Variants in SEMA3E observed in about 807,000 individuals in gnomAD.
SEMA3E encodes the protein semaphorin-3E.
SEMA3E carries 49 observed loss-of-function variants against 93.6 expected under a neutral mutation model. That is an observed-to-expected ratio of 0.52 (90% CI 0.42 to 0.66). SEMA3E has a LOEUF of 0.66. Ranked by LOEUF, SEMA3E falls within the 30% of genes least tolerant of loss-of-function variation. The probability of loss-of-function intolerance (pLI) is 0.00; values close to 1 mark genes in which losing one functional copy is unlikely to be tolerated. For synonymous variants in SEMA3E, 363 were observed against 330.7 expected, an observed-to-expected ratio of 1.10 and a Z score of -1.06; for missense variants, 906 against 964.8, an observed-to-expected ratio of 0.94 and a Z score of 0.81.
intron 1 of SEMA3E, among the ~76,000 whole-genome samples, chr7:83,600,865 G>T (rs776656462): frequency 1.4e-4 from 22 of 152,160 alleles, no homozygotes; most frequent in Non-Finnish European, 2.6e-4. Context: ...CATGGTACTT[G>T]GAATAATGGC....
At chr7:83,616,980 C>T (rs1269623439) in intron 1 of SEMA3E, among the ~76,000 whole-genome samples, 1 of 152,138 alleles carries the variant, frequency 6.6e-6, no homozygotes, top group South Asian at 2.1e-4. Context: ...CCACCTTGGC[C>T]TCCCAAAGTG....
chr7:83,573,318 C>T (rs1792325389), intron 1 of SEMA3E, among the ~76,000 whole-genome samples: 1 of 151,434 alleles, frequency 6.6e-6, no homozygotes, highest in Admixed American at 6.6e-5. Flanking sequence ...TTATTGTCTT[C>T]AGTATTTTTT....
Position 83,498,403 on chromosome 7 carries a change from C to T in SEMA3E, c.116-8129G>A, listed in dbSNP as rs541681810. ...TAATTCTATAAATATAACACAAATC[C>T]GATTTTAGTATCCATTTTATTTATG... On this transcript the variant is annotated intron_variant, in intron 1 of 16. Transcript: ENST00000643230. Among the ~76,000 whole-genome samples the T allele has an allele frequency of 4.6e-5, 7 of 151,936 alleles. No individual in the cohort carries two copies. The South Asian group carries it at 1.0e-3, about 23-fold the overall frequency.
chr7:83,563,421 G>A (rs961665756), intron 1 of SEMA3E, among the ~76,000 whole-genome samples: 1 of 152,164 alleles, frequency 6.6e-6, no homozygotes, highest in African/African-American at 2.4e-5. Context: ...ATACTCAAAT[G>A]CTGCTACTTT....
intron 1 of SEMA3E, among the ~76,000 whole-genome samples, chr7:83,639,546 A>G (rs981909955): frequency 2.6e-5 from 4 of 151,840 alleles, no homozygotes; most frequent in African/African-American, 9.7e-5. Flanking sequence ...CAAGGGTCTT[A>G]CAAAAAATTA....
intron 1 of SEMA3E, among the ~76,000 whole-genome samples, chr7:83,642,112 A>G (rs976234665): frequency 3.3e-5 from 5 of 152,182 alleles, no homozygotes; most frequent in Admixed American, 3.3e-4. Context: ...TATGTTTCCT[A>G]TGCCAAAGCT....
intron 1 of SEMA3E, among the ~76,000 whole-genome samples, chr7:83,571,075 CA>C (rs200925353): frequency 0.14 from 18,395 of 134,120 alleles, 1,280 homozygotes; most frequent in East Asian, 0.2. Flanking sequence ...AAAATCCCAC[CA>C]AAAAAAAAAA....
At chr7:83,508,172 G>C (rs1457084909) in intron 1 of SEMA3E, among the ~76,000 whole-genome samples, 1 of 151,862 alleles carries the variant, frequency 6.6e-6, no homozygotes, top group Non-Finnish European at 1.5e-5. Context: ...ATTGTTAAAT[G>C]CCTTCAAACT....
At chr7:83,456,469 C>T (rs1789478921) in intron 4 of SEMA3E, among the ~76,000 whole-genome samples, 1 of 152,120 alleles carries the variant, frequency 6.6e-6, no homozygotes, top group Non-Finnish European at 1.5e-5. Flanking sequence ...ATCAAAACCT[C>T]ATCAACAACG....
At chr7:83,538,347 C>CT (rs1446119305) in intron 1 of SEMA3E, among the ~76,000 whole-genome samples, 3 of 152,122 alleles carry the variant, frequency 2.0e-5, no homozygotes, top group Non-Finnish European at 4.4e-5. Context: ...CCTCCCAACA[C>CT]TTTTTATCTG....
intron 13 of SEMA3E, among the ~76,000 whole-genome samples, chr7:83,393,216 G>C (rs1055461020): frequency 5.9e-5 from 9 of 152,002 alleles, no homozygotes; most frequent in African/African-American, 2.4e-5. Context: ...CCAACACTGT[G>C]GATCTTCCTT....
At chr7:83,515,747 G>A (rs569515100) in intron 1 of SEMA3E, among the ~76,000 whole-genome samples, 3 of 152,278 alleles carry the variant, frequency 2.0e-5, no homozygotes, top group Admixed American at 6.5e-5. Context: ...CTGGTTGTTC[G>A]AGGGGAGTGG....
In SEMA3E at chr7:83,392,619, G is replaced by T. The variant is rs1376614893; in HGVS notation, c.1603C>A (p.Pro535Thr). ...ACADCCLARD[P>T]YCAWDGISCS... ...GATATGCCATCCCAGGCACAGTAAG[G>T]GTCTCGAGCCAGGCAGCAGTCAGCA... The change falls in exon 14 of 17, where the codon CCT (proline) becomes ACT (threonine). Residue 535 changes from proline to threonine, a missense_variant. Physicochemically the swap from Pro to Thr is conservative, Grantham distance 38. Transcript: ENST00000643230. The T allele has an allele frequency of 1.9e-6, 3 of 1,613,818 alleles. No individual in the cohort carries two copies. The South Asian group carries it at 3.3e-5, about 18-fold the overall frequency.
chr7:83,404,143 C>T (rs181893752), intron 9 of SEMA3E, among the ~76,000 whole-genome samples: 8 of 151,910 alleles, frequency 5.3e-5, no homozygotes, highest in East Asian at 3.9e-4. Flanking sequence ...GAAGTTAAAA[C>T]GTTAAGTACT....
At chr7:83,390,042 T>G in intron 14 of SEMA3E, among the ~76,000 whole-genome samples, 1 of 145,042 alleles carries the variant, frequency 6.9e-6, no homozygotes, top group African/African-American at 2.5e-5. Context: ...TATACACATA[T>G]ATGCGCGTAT....
intron 1 of SEMA3E, among the ~76,000 whole-genome samples, chr7:83,588,147 C>G (rs10262947): frequency 0.018 from 2,664 of 151,966 alleles, 74 homozygotes; most frequent in African/African-American, 0.059. Flanking sequence ...ACTTTGGGAG[C>G]CTGAGGCAGG....
chr7:83,445,095 A>C (rs540836116), intron 4 of SEMA3E, among the ~76,000 whole-genome samples: 1 of 152,314 alleles, frequency 6.6e-6, no homozygotes, highest in South Asian at 2.1e-4. Flanking sequence ...GTTAAGGAAG[A>C]CATTTACCAA....
Position 83,405,801 on chromosome 7 carries a change from G to A in SEMA3E, c.928+144C>T, listed in dbSNP as rs1381573171. Reference sequence around the variant, plus strand: ...CCCTTTTCCCCCAGCATGCGTGCCTGGCCAAAATGAAAAGAACAGAAACTT... The same window carrying A: ...CCCTTTTCCCCCAGCATGCGTGCCTAGCCAAAATGAAAAGAACAGAAACTT... On this transcript the variant is annotated intron_variant, in intron 8 of 16. Coordinates refer to ENST00000643230, the MANE Select transcript of SEMA3E (RefSeq NM_012431.3). The A allele has an allele frequency of 5.5e-6, 4 of 730,212 alleles. No homozygotes were observed. In the East Asian group the frequency reaches 8.0e-5, roughly 15 times the overall value. The allele number at this position is 730,212 out of a possible 1,614,324, so 45.2% of individuals were successfully genotyped here. A position where few individuals can be genotyped will look rare whatever the true frequency, so the allele number is the denominator to read the frequency against.
intron 12 of SEMA3E, 61 bp downstream of exon 12, chr7:83,396,577 A>G (rs1352536459): frequency 1.0e-6 from 1 of 1,001,858 alleles, no homozygotes; most frequent in African/African-American, 1.6e-5. Context: ...TATCTTTCCT[A>G]TTTACATCTC....
Sources: gnomAD v4.1 joint callset for allele counts (sites outside exome capture counted in the v4.1 genomes callset) on GRCh38, gnomAD v4.1.1 for gene constraint, MANE v1.5 for transcripts, NCBI Gene and HGNC (gene_info 2026-07-23, HGNC 2026-07-21) for gene names.